CCDC178: variants seen among roughly 807,000 people sequenced by gnomAD.
CCDC178 encodes coiled-coil domain containing 178.
In CCDC178, 126 loss-of-function variants were observed where a neutral mutation model predicts 117.4. That is an observed-to-expected ratio of 1.07 (90% CI 0.93 to 1.24). The LOEUF (loss-of-function observed/expected upper bound fraction) is 1.24. Ranked by LOEUF, CCDC178 falls within the 50% of genes most tolerant of loss-of-function variation. CCDC178 has a pLI of 0.00. For synonymous variants in CCDC178, 283 were observed against 313.4 expected, an observed-to-expected ratio of 0.90 and a Z score of 1.02; for missense variants, 1,030 against 986.9, an observed-to-expected ratio of 1.04 and a Z score of -0.59.
intron 18 of CCDC178, among the ~76,000 whole-genome samples, chr18:33,220,014 T>C (rs1291213579): frequency 6.6e-6 from 1 of 152,020 alleles, no homozygotes; most frequent in African/African-American, 2.4e-5. Flanking sequence ...AGAACTTTCA[T>C]GGGGAAATAT....
intron 20 of CCDC178, among the ~76,000 whole-genome samples, chr18:33,168,517 A>G (rs1469034016): frequency 6.6e-6 from 1 of 152,208 alleles, no homozygotes; most frequent in Non-Finnish European, 1.5e-5. Context: ...TAAAAAAATC[A>G]GTCCTTTGTT....
At chr18:33,255,306 T>C (rs1232383633) in intron 14 of CCDC178, among the ~76,000 whole-genome samples, 1 of 151,936 alleles carries the variant, frequency 6.6e-6, no homozygotes, top group East Asian at 1.9e-4. Flanking sequence ...ACTAAGATCA[T>C]GGAAGGAATA....
At position 33,429,248 on chromosome 18, in the gene CCDC178, CAG is replaced by C. The variant is rs556080184; in HGVS notation, c.-23+10712_-23+10713del. ...AGTAATTAAAAATGAAATATCCAAACAGAAAAGATGAACTAACGACCTGGAAC... is the reference window on the plus strand; with the variant it reads ...AGTAATTAAAAATGAAATATCCAAACAAAAGATGAACTAACGACCTGGAAC... On this transcript the variant is annotated intron_variant, in intron 2 of 22. Coordinates refer to ENST00000383096, the MANE Select transcript of CCDC178 (RefSeq NM_001105528.4). Among the ~76,000 whole-genome samples the C allele has an allele frequency of 4.5e-4, 69 of 151,734 alleles. 1 individual carries two copies. Among genetic ancestry groups the C allele is most frequent in the South Asian group, 8.3e-4 (4 of 4,798 alleles).
At chr18:33,251,714 T>A (rs1322224805) in intron 14 of CCDC178, among the ~76,000 whole-genome samples, 1 of 151,762 alleles carries the variant, frequency 6.6e-6, no homozygotes, top group Non-Finnish European at 1.5e-5. Flanking sequence ...TTCAAGTAAC[T>A]GTGGGCATTT....
At chr18:33,029,615 T>C (rs2056295759) in intron 21 of CCDC178, among the ~76,000 whole-genome samples, 1 of 151,992 alleles carries the variant, frequency 6.6e-6, no homozygotes. Flanking sequence ...ACCTTTCTTG[T>C]TCATGTAGGC....
chr18:33,246,805 GGC>G (rs1157436534), intron 14 of CCDC178, among the ~76,000 whole-genome samples: 5 of 151,754 alleles, frequency 3.3e-5, no homozygotes, highest in Non-Finnish European at 7.4e-5. Context: ...AAGGAGCAAA[GGC>G]ATTGAGGAGA....
intron 3 of CCDC178, among the ~76,000 whole-genome samples, chr18:33,411,825 A>G (rs915019386): frequency 1.1e-4 from 16 of 152,102 alleles, no homozygotes; most frequent in Admixed American, 1.0e-3. Context: ...TATAAAATAA[A>G]CTGATTATAA....
chr18:33,367,670 A>T (rs900464664), intron 6 of CCDC178, among the ~76,000 whole-genome samples: 6 of 151,956 alleles, frequency 3.9e-5, no homozygotes, highest in African/African-American at 1.4e-4. Flanking sequence ...TATTAGTTCA[A>T]ATACTGCATA....
At chr18:33,306,474 TTATA>T (rs1304657273) in intron 11 of CCDC178, among the ~76,000 whole-genome samples, 1 of 101,966 alleles carries the variant, frequency 9.8e-6, no homozygotes, top group African/African-American at 3.7e-5. Context: ...ATATATATGG[TTATA>T]TATAATATAT....
chr18:33,363,430 G>A (rs1238256003), intron 6 of CCDC178, among the ~76,000 whole-genome samples: 2 of 151,988 alleles, frequency 1.3e-5, no homozygotes, highest in Non-Finnish European at 2.9e-5. Context: ...GCCAAGAGTT[G>A]AGAGTAAATC....
chr18:33,037,138 T>C (rs1244042472), intron 21 of CCDC178, among the ~76,000 whole-genome samples: 1 of 151,946 alleles, frequency 6.6e-6, no homozygotes, highest in Non-Finnish European at 1.5e-5. Context: ...AAAAGCCTCA[T>C]AATATAATGA....
intron 22 of CCDC178, among the ~76,000 whole-genome samples, chr18:32,965,358 T>G (rs1018685535): frequency 6.6e-6 from 1 of 151,984 alleles, no homozygotes; most frequent in Non-Finnish European, 1.5e-5. Context: ...TTTACCTAAC[T>G]AAGGTCATTT....
chr18:33,311,671 G>A (rs1227463647), intron 11 of CCDC178, among the ~76,000 whole-genome samples: 1 of 152,212 alleles, frequency 6.6e-6, no homozygotes, highest in Non-Finnish European at 1.5e-5. Flanking sequence ...AAGGGACAGA[G>A]GGCTTGTGCC....
At chr18:33,192,504 C>T (rs149338) in intron 20 of CCDC178, among the ~76,000 whole-genome samples, 14,298 of 152,110 alleles carry the variant, frequency 0.094, 839 homozygotes, top group African/African-American at 0.17. Context: ...TGATAGGCAT[C>T]GGAGAAAAAG....
At chr18:33,269,790 A>G (rs774085850) in intron 12 of CCDC178, among the ~76,000 whole-genome samples, 9 of 151,892 alleles carry the variant, frequency 5.9e-5, no homozygotes, top group Admixed American at 4.0e-4. Context: ...TATGATATCC[A>G]GTATAAATAC....
At chr18:33,339,144 A>G (rs962292243) in intron 9 of CCDC178, among the ~76,000 whole-genome samples, 1 of 152,260 alleles carries the variant, frequency 6.6e-6, no homozygotes, top group East Asian at 1.9e-4. Context: ...ATTCTAGAAA[A>G]TAAAAATGGC....
At chr18:33,114,971 G>A (rs987726590) in intron 20 of CCDC178, among the ~76,000 whole-genome samples, 1 of 152,034 alleles carries the variant, frequency 6.6e-6, no homozygotes, top group African/African-American at 2.4e-5. Flanking sequence ...AGGTTGGATT[G>A]CATGGTTCTG....
At chr18:33,024,682 C>T (rs1013948142) in intron 21 of CCDC178, among the ~76,000 whole-genome samples, 30 of 151,870 alleles carry the variant, frequency 2.0e-4, no homozygotes, top group African/African-American at 7.0e-4. Context: ...GTTGCTCTGT[C>T]ACCCAGGCTG....
rs147915344 is a variant in CCDC178 at position 33,222,969 on chromosome 18, C to A, written c.1932+137G>T. ...AGGACTGTGTGTGTGTGAGTGTGTG[C>A]GCTTTTATCCCTAGTCGATTTAGTG... On this transcript the variant is annotated intron_variant, in intron 18 of 22. Coordinates refer to ENST00000383096, the MANE Select transcript of CCDC178 (RefSeq NM_001105528.4). 8.3e-6 allele frequency: 5 copies of A among 605,462 alleles called. No homozygotes were observed. The East Asian group carries it at 8.9e-5, about 11-fold the overall frequency. The allele number at this position is 605,462 out of a possible 1,614,324, so 37.5% of individuals were successfully genotyped here.
Sources: gnomAD v4.1 joint callset for allele counts (sites outside exome capture counted in the v4.1 genomes callset) on GRCh38, gnomAD v4.1.1 for gene constraint, MANE v1.5 for transcripts, NCBI Gene and HGNC (gene_info 2026-07-23, HGNC 2026-07-21) for gene names.